The following IGF2BP3 variants were observed in gnomAD, a reference collection of about 807,000 sequenced individuals.
IGF2BP3 encodes the protein insulin like growth factor 2 mRNA binding protein 3.
Under a neutral mutation model 73.8 loss-of-function variants are expected in IGF2BP3, and 9 were observed. The observed-to-expected ratio is 0.12, with a 90% CI of 0.07 to 0.21. The LOEUF is 0.21. Among genes scored for constraint, IGF2BP3 ranks in the 10% least tolerant of loss-of-function variants. The probability of loss-of-function intolerance (pLI) is 1.00; values close to 1 mark genes in which losing one functional copy is unlikely to be tolerated. For missense variants in IGF2BP3, 542 were observed against 714.0 expected, an observed-to-expected ratio of 0.76 and a Z score of 2.75; for synonymous variants, 258 against 256.7, an observed-to-expected ratio of 1.01 and a Z score of -0.05.
Position 23,350,034 on chromosome 7 carries a change from C to A in IGF2BP3, c.683+1271G>T, listed in dbSNP as rs6461706. On this transcript the variant is annotated intron_variant, in intron 6 of 14. Coordinates refer to ENST00000258729, the MANE Select transcript of IGF2BP3 (RefSeq NM_006547.3). ...ATTTTGCATTCAGGTAACCAGCACC[C>A]AACATCTCCTGCTTCAAAGCAGGGG... Among the ~76,000 whole-genome samples, 783 of 152,250 alleles carry A rather than the reference C, an allele frequency of 5.1e-3. 7 individuals carry two copies. The highest frequency in any genetic ancestry group is 0.017 in the African/African-American group (715 of 41,520).
chr7:23,431,854 CTT>C (rs933867417), intron 2 of IGF2BP3, among the ~76,000 whole-genome samples: 136 of 152,224 alleles, frequency 8.9e-4, no homozygotes, highest in African/African-American at 2.9e-3. Flanking sequence ...CTCTCTCTCT[CTT>C]ATGGATTGGT....
chr7:23,446,933 T>A (rs534951891), intron 2 of IGF2BP3, among the ~76,000 whole-genome samples: 10 of 152,262 alleles, frequency 6.6e-5, no homozygotes, highest in African/African-American at 2.2e-4. Context: ...CCAGGCACGG[T>A]GGCTCATGCC....
intron 12 of IGF2BP3, among the ~76,000 whole-genome samples, chr7:23,317,404 A>G (rs940076363): frequency 6.6e-6 from 1 of 152,224 alleles, no homozygotes; most frequent in African/African-American, 2.4e-5. Flanking sequence ...ACAAACCATT[A>G]AGCAAAATTA....
chr7:23,398,722 T>C (rs1044374553), intron 3 of IGF2BP3, among the ~76,000 whole-genome samples: 15 of 152,244 alleles, frequency 9.9e-5, no homozygotes, highest in Non-Finnish European at 1.9e-4. Flanking sequence ...TTTTGAGAAG[T>C]GTCTGTTCAT....
chr7:23,415,625 C>G (rs897796308), intron 3 of IGF2BP3: 1 of 221,830 alleles, frequency 4.5e-6, no homozygotes, highest in Non-Finnish European at 9.1e-6. Context: ...TCTGGACACT[C>G]TGAACAAGAT....
At chr7:23,446,555 TTGAA>T (rs1250066690) in intron 2 of IGF2BP3, among the ~76,000 whole-genome samples, 1 of 152,052 alleles carries the variant, frequency 6.6e-6, no homozygotes, top group Non-Finnish European at 1.5e-5. Flanking sequence ...AGACTCCATC[TTGAA>T]CAAAATAAAA....
At chr7:23,434,026 C>G (rs1011982328) in intron 2 of IGF2BP3, among the ~76,000 whole-genome samples, 1 of 142,470 alleles carries the variant, frequency 7.0e-6, no homozygotes, top group Non-Finnish European at 1.5e-5. Flanking sequence ...TACAGTGAGA[C>G]AAGATTGTGC....
At chr7:23,342,398 C>A (rs962009051) in intron 9 of IGF2BP3, among the ~76,000 whole-genome samples, 3 of 152,092 alleles carry the variant, frequency 2.0e-5, no homozygotes, top group African/African-American at 7.2e-5. Context: ...GCTGGTTTGC[C>A]CCCTCCTTGG....
At chr7:23,357,872 T>C (rs189524896) in intron 5 of IGF2BP3, among the ~76,000 whole-genome samples, 1 of 151,926 alleles carries the variant, frequency 6.6e-6, no homozygotes, top group Admixed American at 6.6e-5. Flanking sequence ...TCTTCTTAAG[T>C]GACATTCATA....
At chr7:23,446,660 C>T (rs1340162738) in intron 2 of IGF2BP3, among the ~76,000 whole-genome samples, 1 of 152,160 alleles carries the variant, frequency 6.6e-6, no homozygotes, top group East Asian at 1.9e-4. Context: ...TGACAAGAAT[C>T]ATCAATGGAT....
intron 2 of IGF2BP3, among the ~76,000 whole-genome samples, chr7:23,460,102 ATG>A (rs1788409458): frequency 9.2e-5 from 11 of 119,858 alleles, no homozygotes; most frequent in Non-Finnish European, 1.8e-4. Context: ...ACGAGGAGGC[ATG>A]TGCCTGTAGG....
At chr7:23,374,651 T>C (rs1785660709) in intron 3 of IGF2BP3, among the ~76,000 whole-genome samples, 1 of 152,152 alleles carries the variant, frequency 6.6e-6, no homozygotes, top group Non-Finnish European at 1.5e-5. Context: ...CACTCCACCC[T>C]GGGTGACAGA....
chr7:23,380,380 G>A (rs1481729708), intron 3 of IGF2BP3, among the ~76,000 whole-genome samples: 1 of 151,968 alleles, frequency 6.6e-6, no homozygotes, highest in Admixed American at 6.6e-5. Context: ...AGCCAGGATG[G>A]TCTCGATCTC....
At chr7:23,319,065 T>C (rs1784066995) in intron 11 of IGF2BP3, 73 bp downstream of exon 11, 1 of 962,902 alleles carries the variant, frequency 1.0e-6, no homozygotes, top group African/African-American at 1.6e-5. Context: ...ATTCAAATTA[T>C]AAAGTGGCAA....
intron 2 of IGF2BP3, among the ~76,000 whole-genome samples, chr7:23,457,687 A>G (rs564372985): frequency 6.6e-6 from 1 of 152,350 alleles, no homozygotes; most frequent in East Asian, 1.9e-4. Context: ...TGATTTCATT[A>G]CTATATTCAA....
chr7:23,334,799 T>C (rs1784530575), intron 10 of IGF2BP3, among the ~76,000 whole-genome samples: 1 of 152,162 alleles, frequency 6.6e-6, no homozygotes, highest in African/African-American at 2.4e-5. Flanking sequence ...TAATCATCTA[T>C]CGTGAAGACA....
intron 2 of IGF2BP3, among the ~76,000 whole-genome samples, chr7:23,440,331 G>A (rs186574180): frequency 5.9e-5 from 9 of 151,534 alleles, no homozygotes; most frequent in African/African-American, 2.2e-4. Context: ...AGTTACTGCA[G>A]AGGCCAAGAC....
intron 3 of IGF2BP3, among the ~76,000 whole-genome samples, chr7:23,377,259 A>G (rs1307977206): frequency 6.6e-6 from 1 of 152,200 alleles, no homozygotes; most frequent in Non-Finnish European, 1.5e-5. Flanking sequence ...AGCATATACA[A>G]AGAACTCTTA....
intron 3 of IGF2BP3, among the ~76,000 whole-genome samples, chr7:23,393,232 C>G (rs75106848): frequency 0.018 from 2,814 of 152,258 alleles, 97 homozygotes; most frequent in African/African-American, 0.065. Context: ...GTCCTTCATG[C>G]TAGTACCAGG....
Sources: gnomAD v4.1 joint callset for allele counts (sites outside exome capture counted in the v4.1 genomes callset) on GRCh38, gnomAD v4.1.1 for gene constraint, MANE v1.5 for transcripts, NCBI Gene and HGNC (gene_info 2026-07-23, HGNC 2026-07-21) for gene names.